Variants in EXOC4 observed in about 807,000 individuals in gnomAD.
The protein encoded by EXOC4 is SEC8-like 1.
In EXOC4, 71 loss-of-function variants were observed where a neutral mutation model predicts 107.2. That is an observed-to-expected ratio of 0.66 (90% CI 0.55 to 0.81). The LOEUF is 0.81. Among genes scored for constraint, EXOC4 ranks in the 30% least tolerant of loss-of-function variants. EXOC4 has a pLI of 0.00. For synonymous variants in EXOC4, 456 were observed against 441.2 expected (o/e 1.03, Z -0.42); for missense variants, 1,108 against 1,189.6 (o/e 0.93, Z 1.01).
intron 1 of EXOC4, among the ~76,000 whole-genome samples, chr7:133,272,992 C>A (rs1006604127): frequency 1.3e-5 from 2 of 152,096 alleles, no homozygotes; most frequent in African/African-American, 4.8e-5. Flanking sequence ...GAGCGGAAAT[C>A]ATGAAAAGCC....
chr7:133,747,433 T>A (rs1585118930), intron 10 of EXOC4, among the ~76,000 whole-genome samples: 1 of 152,158 alleles, frequency 6.6e-6, no homozygotes, highest in African/African-American at 2.4e-5. Context: ...GGGATGGTGG[T>A]CACTATCACT....
intron 9 of EXOC4, among the ~76,000 whole-genome samples, chr7:133,576,171 C>T (rs755907087): frequency 6.6e-6 from 1 of 152,108 alleles, no homozygotes; most frequent in African/African-American, 2.4e-5. Flanking sequence ...CCCCAACCCC[C>T]GTTATGTATT....
intron 17 of EXOC4, among the ~76,000 whole-genome samples, chr7:134,037,557 CA>C (rs1287991789): frequency 6.6e-6 from 1 of 152,160 alleles, no homozygotes; most frequent in Non-Finnish European, 1.5e-5. Flanking sequence ...TTCCATTCTT[CA>C]CACCCTACCC....
Position 133,737,909 on chromosome 7 carries a change from C to CTTTTTTTTTTTTTTT in EXOC4, c.1515-79410_1515-79396dup, listed in dbSNP as rs10673346. 9.0e-5 allele frequency among the ~76,000 whole-genome samples: 8 copies of CTTTTTTTTTTTTTTT among 89,324 alleles called. 1 individual carries two copies. The highest frequency in any genetic ancestry group is 0.026 in the Middle Eastern group (2 of 76). The allele number at this position is 89,324 out of a possible 152,430, so 58.6% of individuals were successfully genotyped here. A position where few individuals can be genotyped will look rare whatever the true frequency, so the allele number is the denominator to read the frequency against. ...TTTTTGTGCCTCTTGATTTTTCTTT[C>CTTTTTTTTTTTTTTT]TTTTTTTTTTTTTTTTTTTTGAGAC... On this transcript the variant is annotated intron_variant, in intron 10 of 17. Coordinates refer to ENST00000253861, the MANE Select transcript of EXOC4 (RefSeq NM_021807.4).
intron 10 of EXOC4, among the ~76,000 whole-genome samples, chr7:133,746,769 AC>A (rs760389093): frequency 7.2e-5 from 11 of 152,316 alleles, no homozygotes; most frequent in Non-Finnish European, 1.6e-4. Flanking sequence ...CTCATCTGTT[AC>A]TAAAAAATTT....
chr7:133,715,742 A>C (rs1794986644), intron 10 of EXOC4, among the ~76,000 whole-genome samples: 1 of 151,692 alleles, frequency 6.6e-6, no homozygotes, highest in Non-Finnish European at 1.5e-5. Flanking sequence ...TTTTCTTTTC[A>C]CTGTTAGAGG....
chr7:133,748,152 G>A (rs1795717060), intron 10 of EXOC4, among the ~76,000 whole-genome samples: 1 of 152,152 alleles, frequency 6.6e-6, no homozygotes, highest in Admixed American at 6.5e-5. Flanking sequence ...TGCAAAGCCT[G>A]TATTGCCCCC....
At chr7:133,556,444 T>G (rs1445193144) in intron 9 of EXOC4, among the ~76,000 whole-genome samples, 1 of 152,208 alleles carries the variant, frequency 6.6e-6, no homozygotes. Context: ...GTTCAGTTCC[T>G]TATTGTTTCT....
chr7:134,035,402 G>A (rs1206335496), intron 17 of EXOC4, among the ~76,000 whole-genome samples: 1 of 152,080 alleles, frequency 6.6e-6, no homozygotes, highest in East Asian at 1.9e-4. Context: ...GAGTAGGCAG[G>A]AGATTTGTTG....
intron 9 of EXOC4, among the ~76,000 whole-genome samples, chr7:133,575,210 A>G (rs1203157855): frequency 6.6e-6 from 1 of 152,044 alleles, no homozygotes; most frequent in Non-Finnish European, 1.5e-5. Context: ...AGTCTTCATC[A>G]CCTGAAACCT....
At chr7:133,986,254 G>T (rs1438274376) in intron 14 of EXOC4, among the ~76,000 whole-genome samples, 1 of 152,172 alleles carries the variant, frequency 6.6e-6, no homozygotes, top group African/African-American at 2.4e-5. Flanking sequence ...ATTACTTGGA[G>T]GCAGAAGAAC....
intron 2 of EXOC4, among the ~76,000 whole-genome samples, chr7:133,281,707 T>TA (rs1669209939): frequency 6.6e-6 from 1 of 150,916 alleles, no homozygotes; most frequent in African/African-American, 2.4e-5. Flanking sequence ...CTTTTCTATT[T>TA]TTTTTTTTTT....
chr7:133,747,264 T>A (rs757729467), intron 10 of EXOC4, among the ~76,000 whole-genome samples: 1 of 152,154 alleles, frequency 6.6e-6, no homozygotes, highest in Non-Finnish European at 1.5e-5. Flanking sequence ...TATATTAAGA[T>A]CTGTTGTTTA....
At chr7:134,077,010 G>GAT in the EXOC4 span, among the ~76,000 whole-genome samples, 313 of 152,164 alleles carry the variant, frequency 2.1e-3, no homozygotes, top group Middle Eastern at 0.01. Context: ...AGAGAGATGA[G>GAT]GAGACAGAAT....
intron 17 of EXOC4, among the ~76,000 whole-genome samples, chr7:134,026,749 A>G (rs937805317): frequency 7.2e-5 from 11 of 152,196 alleles, no homozygotes; most frequent in African/African-American, 2.7e-4. Context: ...AAATCGTTAG[A>G]GAAAATGTTG....
chr7:133,460,105 A>G (rs1798555156), intron 7 of EXOC4, among the ~76,000 whole-genome samples: 1 of 152,162 alleles, frequency 6.6e-6, no homozygotes, highest in Non-Finnish European at 1.5e-5. Context: ...TTTTCCATGT[A>G]TGGAGGGTGG....
rs2116247739 is a variant in EXOC4 at position 133,992,104 on chromosome 7, C to T, written c.2207-5388C>T. ...CAATCCAGGAGTGTGCATATCTTTC[C>T]ATTTTGTGTGTGTGTCTTCAATTTC... On this transcript the variant is annotated intron_variant, in intron 14 of 17. Coordinates refer to ENST00000253861, the MANE Select transcript of EXOC4 (RefSeq NM_021807.4). Among the ~76,000 whole-genome samples, 3 of 152,106 alleles carry T rather than the reference C, an allele frequency of 2.0e-5. 1 individual carries two copies.
intron 17 of EXOC4, among the ~76,000 whole-genome samples, chr7:134,036,441 A>G (rs994740169): frequency 1.2e-4 from 18 of 152,266 alleles, no homozygotes; most frequent in African/African-American, 3.6e-4. Context: ...TACAAAAATT[A>G]TCTGGGTGTG....
intron 10 of EXOC4, among the ~76,000 whole-genome samples, chr7:133,711,595 C>T (rs1362814414): frequency 6.6e-6 from 1 of 152,158 alleles, no homozygotes; most frequent in African/African-American, 2.4e-5. Flanking sequence ...ATACTCAGTG[C>T]CATTATCATA....
Sources: gnomAD v4.1 joint callset for allele counts (sites outside exome capture counted in the v4.1 genomes callset) on GRCh38, gnomAD v4.1.1 for gene constraint, MANE v1.5 for transcripts, NCBI Gene and HGNC (gene_info 2026-07-23, HGNC 2026-07-21) for gene names.